GDI2: variants seen among roughly 807,000 people sequenced by gnomAD.
GDI2 encodes rab GDP dissociation inhibitor beta.
GDI2 carries 22 observed loss-of-function variants against 54.2 expected under a neutral mutation model. The observed-to-expected ratio is 0.41, with a 90% CI of 0.29 to 0.58. The LOEUF (loss-of-function observed/expected upper bound fraction) is 0.58, where lower values mean the gene tolerates loss of function less well. Among genes scored for constraint, GDI2 ranks in the 20% least tolerant of loss-of-function variants. The pLI is 0.35. For missense variants in GDI2, 422 were observed against 546.0 expected, an observed-to-expected ratio of 0.77 and a Z score of 2.26; for synonymous variants, 177 against 182.1, an observed-to-expected ratio of 0.97 and a Z score of 0.23.
At chr10:5,781,358 T>C (rs1840749682) in intron 6 of GDI2, among the ~76,000 whole-genome samples, 1 of 151,642 alleles carries the variant, frequency 6.6e-6, no homozygotes, top group Non-Finnish European at 1.5e-5. Context: ...CCAGGCGCAG[T>C]GGCTCACGCT....
At chr10:5,800,437 A>C (rs963928894) in intron 2 of GDI2, among the ~76,000 whole-genome samples, 161 bp downstream of exon 2, 1 of 152,232 alleles carries the variant, frequency 6.6e-6, no homozygotes, top group Non-Finnish European at 1.5e-5. Context: ...GTCAAAATGT[A>C]AATTTCTATG....
intron 1 of GDI2, among the ~76,000 whole-genome samples, chr10:5,802,980 G>A (rs961898017): frequency 3.3e-5 from 5 of 152,160 alleles, no homozygotes; most frequent in Non-Finnish European, 5.9e-5. Flanking sequence ...TAACCTGAAA[G>A]GCTATATTTA....
intron 7 of GDI2, among the ~76,000 whole-genome samples, chr10:5,771,511 A>G (rs11592993): frequency 0.09 from 13,675 of 152,310 alleles, 724 homozygotes; most frequent in East Asian, 0.13. Flanking sequence ...AATGTGGCAC[A>G]GGGAAGCCAA....
intron 5 of GDI2, 98 bp from the exon 6 acceptor site, chr10:5,785,371 CTTT>C (rs1554788667): frequency 2.4e-6 from 2 of 818,724 alleles, no homozygotes; most frequent in Non-Finnish European, 3.8e-6. Flanking sequence ...CCGCTATCTT[CTTT>C]TTTGTTTTTT....
At chr10:5,779,255 T>TAA (rs1485758024) in intron 6 of GDI2, among the ~76,000 whole-genome samples, 2 of 152,136 alleles carry the variant, frequency 1.3e-5, no homozygotes, top group East Asian at 1.9e-4. Context: ...CTCATGCCTG[T>TAA]AAAGCAGCAG....
chr10:5,766,729 G>A lies in GDI2; in HGVS notation c.992-91C>T, dbSNP rs1052263779. The stretch of plus-strand genomic sequence containing the variant: ...ATCACCCATATGTCATGAGGTGTGA[G>A]TTAAAATTACTCTCAATAGGCAAGA... On this transcript the variant is annotated intron_variant, in intron 8 of 10. Transcript: ENST00000380191. This position sits in a 1 kb window ranked among gnomAD's most constrained non-coding sequence, Gnocchi z 5.8. 29 of 1,010,950 alleles carry A rather than the reference G, an allele frequency of 2.9e-5. No homozygotes were observed. The Admixed American group carries it at 4.0e-4, about 14-fold the overall frequency. 62.6% of individuals were successfully genotyped at this position (1,010,950 alleles called of 1,614,324 possible).
intron 1 of GDI2, among the ~76,000 whole-genome samples, chr10:5,808,359 T>C (rs1305647008): frequency 6.7e-6 from 1 of 150,092 alleles, no homozygotes; most frequent in African/African-American, 2.5e-5. Context: ...CTACACCCTA[T>C]CAAATCCTAC....
At chr10:5,789,338 G>C (rs1186825050) in intron 4 of GDI2, among the ~76,000 whole-genome samples, 2 of 151,948 alleles carry the variant, frequency 1.3e-5, no homozygotes, top group East Asian at 3.9e-4. Context: ...GGGCTCAAGT[G>C]ATCCACCCAC....
At chr10:5,781,758 A>C (rs1042320085) in intron 6 of GDI2, among the ~76,000 whole-genome samples, 27 of 152,324 alleles carry the variant, frequency 1.8e-4, no homozygotes, top group African/African-American at 6.5e-4. Context: ...TCCTGCCTGT[A>C]ATCCCAGCAC....
At chr10:5,789,185 AG>A (rs1401025056) in intron 4 of GDI2, among the ~76,000 whole-genome samples, 1 of 151,850 alleles carries the variant, frequency 6.6e-6, no homozygotes, top group African/African-American at 2.4e-5. Context: ...AGCTCACTGC[AG>A]CCACCAACTT....
Position 5,776,706 on chromosome 10 carries a change from A to C in GDI2, c.720-2765T>G. The C allele has an allele frequency of 6.8e-7, 1 of 1,464,688 alleles. No individual in the cohort carries two copies. The highest frequency in any genetic ancestry group is 2.3e-5 in the East Asian group (1 of 44,036). The allele number at this position is 1,464,688 out of a possible 1,614,324, so 90.7% of individuals were successfully genotyped here. On this transcript the variant is annotated intron_variant, in intron 6 of 10. Transcript: ENST00000380191. This position sits in a 1 kb window ranked among gnomAD's most constrained non-coding sequence, Gnocchi z 5.3. ...TTATGGAGCTTGCCGCCACATTCAGAAACTGCTACAGCCTCTTTAACCTGG... is the reference window on the plus strand; with the variant it reads ...TTATGGAGCTTGCCGCCACATTCAGCAACTGCTACAGCCTCTTTAACCTGG...
intron 6 of GDI2, among the ~76,000 whole-genome samples, chr10:5,784,487 T>G (rs1388709018): frequency 6.6e-6 from 1 of 152,172 alleles, no homozygotes; most frequent in Non-Finnish European, 1.5e-5. Flanking sequence ...CTTTTCAGAG[T>G]GTCAAAGAAC....
At position 5,765,418 on chromosome 10, in the gene GDI2, T is replaced by C. The variant is rs1390939655; in HGVS notation, c.*588A>G. ...CTCTCCCCTTCTCTCTCATCAACTT[T>C]ATTAGGTTAAAACACCACATACAGG... On this transcript the variant is annotated 3_prime_UTR_variant, in exon 11 of 11. Transcript: ENST00000380191. 3 of 152,672 alleles carry C rather than the reference T, an allele frequency of 2.0e-5. No homozygotes were observed. The highest frequency in any genetic ancestry group is 4.4e-5 in the Non-Finnish European group (3 of 68,086). The allele number at this position is 152,672 out of a possible 1,614,324, so 9.5% of individuals were successfully genotyped here.
intron 2 of GDI2, among the ~76,000 whole-genome samples, chr10:5,797,525 CAG>C (rs1002527575): frequency 8.4e-6 from 1 of 118,460 alleles, no homozygotes; most frequent in African/African-American, 3.3e-5. Flanking sequence ...AGCCTAGTGA[CAG>C]AGTGAGACTC....
At chr10:5,797,038 AAATT>A (rs1309439701) in intron 2 of GDI2, among the ~76,000 whole-genome samples, 176 bp from the exon 3 acceptor site, 3 of 152,214 alleles carry the variant, frequency 2.0e-5, no homozygotes, top group South Asian at 2.1e-4. Context: ...ATATATATGT[AAATT>A]AATTACTAAA....
chr10:5,766,485 A>G lies in GDI2; in HGVS notation c.1136+9T>C. The G allele has an allele frequency of 6.2e-7, 1 of 1,613,002 alleles. No individual in the cohort carries two copies. The highest frequency in any genetic ancestry group is 1.1e-5 in the South Asian group (1 of 91,026). ...TGCATCTCGGCAGATATAAAAGAAC[A>G]CAACTCACTTCTGTTCAATTGGTTC... is the stretch of plus-strand genomic sequence containing the variant. On this transcript the variant is annotated intron_variant, in intron 9 of 10. Coordinates refer to ENST00000380191, the MANE Select transcript of GDI2 (RefSeq NM_001494.4). This position sits in a 1 kb window ranked among gnomAD's most constrained non-coding sequence, Gnocchi z 5.8.
rs997359009 is a variant in GDI2 at position 5,813,207 on chromosome 10, C to A, written c.45+7G>T. Reference sequence around the variant, plus strand: ...CTCAGCCCCGGCCCCTCAGCCCTGGCGCCCACCGTCAGGCCGGTGCCCAGC... The same window carrying A: ...CTCAGCCCCGGCCCCTCAGCCCTGGAGCCCACCGTCAGGCCGGTGCCCAGC... On this transcript the variant is annotated splice_region_variant and intron_variant, in intron 1 of 10. Coordinates refer to ENST00000380191, the MANE Select transcript of GDI2 (RefSeq NM_001494.4). The A allele has an allele frequency of 5.1e-6, 8 of 1,567,146 alleles. No individual in the cohort carries two copies. Among genetic ancestry groups the A allele is most frequent in the East Asian group, 4.7e-5 (2 of 42,438 alleles).
intron 6 of GDI2, among the ~76,000 whole-genome samples, chr10:5,779,809 C>CAA (rs1840711629): frequency 6.6e-6 from 1 of 151,770 alleles, no homozygotes; most frequent in South Asian, 2.1e-4. Context: ...TCCTCCCACT[C>CAA]AGCCTCCCGA....
intron 1 of GDI2, 42 bp from the exon 2 acceptor site, chr10:5,800,747 C>T: frequency 1.0e-6 from 1 of 961,800 alleles, no homozygotes; most frequent in South Asian, 1.3e-5. Context: ...AGTTCTACAG[C>T]ATATTTAAAA....
Sources: allele counts gnomAD v4.1 joint callset (sites outside exome capture counted in the v4.1 genomes callset), GRCh38; gene constraint gnomAD v4.1.1; non-coding constraint Gnocchi (gnomAD v3.1); transcripts MANE v1.5; gene names NCBI Gene and HGNC (gene_info 2026-07-23, HGNC 2026-07-21).